Variants in SPSB4 observed in about 807,000 individuals in gnomAD.
The protein encoded by SPSB4 is SPRY domain-containing SOCS box protein 4.
A neutral mutation model predicts 20.9 loss-of-function variants in SPSB4; 21 were observed. The ratio of observed to expected loss-of-function variants is 1.01; its 90% CI spans 0.71 to 1.45. The LOEUF (loss-of-function observed/expected upper bound fraction) is 1.45. Among genes scored for constraint, SPSB4 ranks in the 40% most tolerant of loss-of-function variants. SPSB4 has a pLI of 0.00. For missense variants in SPSB4, 399 were observed against 399.2 expected, an observed-to-expected ratio of 1.00 and a Z score of 0.00; for synonymous variants, 207 against 183.8, an observed-to-expected ratio of 1.13 and a Z score of -1.02.
chr3:141,056,367 T>C (rs1937639501), intron 1 of SPSB4, among the ~76,000 whole-genome samples: 1 of 152,202 alleles, frequency 6.6e-6, no homozygotes, highest in African/African-American at 2.4e-5. Flanking sequence ...TACAGATTCC[T>C]GGGGCTGGAG....
At chr3:141,052,689 A>G (rs1171276789) in intron 1 of SPSB4, among the ~76,000 whole-genome samples, 1 of 152,164 alleles carries the variant, frequency 6.6e-6, no homozygotes, top group East Asian at 1.9e-4. Flanking sequence ...AGAGCGACTC[A>G]GGGACCAGTC....
At chr3:141,086,350 G>C (rs983320661) in intron 2 of SPSB4, among the ~76,000 whole-genome samples, 17 of 152,282 alleles carry the variant, frequency 1.1e-4, no homozygotes, top group African/African-American at 3.8e-4. Flanking sequence ...CAAACTGCCT[G>C]GGTTCCAGTC....
At chr3:141,059,730 T>A (rs889108230) in intron 1 of SPSB4, among the ~76,000 whole-genome samples, 7 of 152,158 alleles carry the variant, frequency 4.6e-5, no homozygotes, top group African/African-American at 1.7e-4. Flanking sequence ...CACAATCAGT[T>A]CATAGCCAGG....
At chr3:141,112,469 C>A (rs904601033) in intron 2 of SPSB4, among the ~76,000 whole-genome samples, 7 of 150,822 alleles carry the variant, frequency 4.6e-5, no homozygotes, top group Non-Finnish European at 7.4e-5. Flanking sequence ...AACGGTGAAA[C>A]CCCGTCTCTA....
rs535277492 is a variant in SPSB4 at position 141,137,531 on chromosome 3, G to C, written c.695-9611G>C. The stretch of plus-strand genomic sequence containing the variant: ...CCCATCAATACCTAATTTATTGAGA[G>C]TTTTTAGCATGAATGGTTGTTGAAT... On this transcript the variant is annotated intron_variant, in intron 2 of 2. Transcript: ENST00000310546. Among the ~76,000 whole-genome samples, 4 of 152,304 alleles carry C rather than the reference G, an allele frequency of 2.6e-5. No individual in the cohort carries two copies. In the East Asian group the frequency reaches 7.7e-4, roughly 29 times the overall value.
chr3:141,147,296 C>G lies in SPSB4; in HGVS notation c.*27C>G. ...CCAAGCCTGATGGGCAGCACAGACACAGACACACACCGCAGGGCCCGACCC... is the reference window on the plus strand; with the variant it reads ...CCAAGCCTGATGGGCAGCACAGACAGAGACACACACCGCAGGGCCCGACCC... On this transcript the variant is annotated 3_prime_UTR_variant, in exon 3 of 3. Transcript: ENST00000310546. 6.2e-7 allele frequency: 1 copy of G among 1,613,590 alleles called. No individual in the cohort carries two copies. The highest frequency in any genetic ancestry group is 8.5e-7 in the Non-Finnish European group (1 of 1,179,628).
intron 2 of SPSB4, among the ~76,000 whole-genome samples, chr3:141,114,017 A>G (rs576154501): frequency 6.6e-6 from 1 of 152,296 alleles, no homozygotes; most frequent in East Asian, 1.9e-4. Flanking sequence ...GGGCTCAGAA[A>G]TTTGAGGTTA....
At chr3:141,105,362 ATTTC>A (rs1168259455) in intron 2 of SPSB4, among the ~76,000 whole-genome samples, 2 of 152,016 alleles carry the variant, frequency 1.3e-5, no homozygotes, top group Non-Finnish European at 2.9e-5. Context: ...ACAAAGCCCC[ATTTC>A]TTACTGCCCA....
chr3:141,074,241 C>T (rs1424915547), intron 2 of SPSB4, among the ~76,000 whole-genome samples: 1 of 152,056 alleles, frequency 6.6e-6, no homozygotes, highest in Non-Finnish European at 1.5e-5. Flanking sequence ...CCTTCATTTT[C>T]TCATCTGAAA....
intron 2 of SPSB4, among the ~76,000 whole-genome samples, chr3:141,142,744 G>A (rs545217047): frequency 6.7e-6 from 1 of 148,330 alleles, no homozygotes; most frequent in Non-Finnish European, 1.5e-5. Flanking sequence ...ATATATTTAG[G>A]ATTGTGATAT....
intron 2 of SPSB4, among the ~76,000 whole-genome samples, chr3:141,097,054 C>T (rs1405117717): frequency 3.9e-5 from 6 of 152,182 alleles, no homozygotes; most frequent in Non-Finnish European, 5.9e-5. Flanking sequence ...CTGAAATACC[C>T]GTTCTTTCCA....
At chr3:141,057,660 G>A (rs114712187) in intron 1 of SPSB4, among the ~76,000 whole-genome samples, 170 of 152,282 alleles carry the variant, frequency 1.1e-3, no homozygotes, top group African/African-American at 4.0e-3. Flanking sequence ...AAGAGCTGTG[G>A]TGGGCACAAG....
chr3:141,071,754 TTGGGCCTAAC>T lies in SPSB4; in HGVS notation c.694+4960_694+4969del, dbSNP rs1367262275. Among the ~76,000 whole-genome samples the T allele has an allele frequency of 4.6e-5, 7 of 152,348 alleles. No individual in the cohort carries two copies. In the East Asian group the frequency reaches 7.7e-4, roughly 17 times the overall value. On this transcript the variant is annotated intron_variant, in intron 2 of 2. Coordinates refer to ENST00000310546, the MANE Select transcript of SPSB4 (RefSeq NM_080862.3). ...GGTGGAGCGTGGAAATACAGGTATC[TTGGGCCTAAC>T]TGGCTGAGAGGGCTTTCCCCCTGCA...
chr3:141,136,118 C>T (rs1402777049), intron 2 of SPSB4, among the ~76,000 whole-genome samples: 10 of 152,168 alleles, frequency 6.6e-5, no homozygotes, highest in Non-Finnish European at 4.4e-5. Flanking sequence ...TTTTCATGTG[C>T]TTTTTGGCTG....
At chr3:141,075,892 C>CAAAAAAAAAAAAAAAAAAAA (rs532646509) in intron 2 of SPSB4, among the ~76,000 whole-genome samples, 1 of 68,836 alleles carries the variant, frequency 1.5e-5, no homozygotes, top group Non-Finnish European at 3.7e-5. Flanking sequence ...ACTAAAAATA[C>CAAAAAAAAAAAAAAAAAAAA]AAAAAAAAAA....
At chr3:141,075,837 A>G (rs1938094606) in intron 2 of SPSB4, among the ~76,000 whole-genome samples, 1 of 148,286 alleles carries the variant, frequency 6.7e-6, no homozygotes, top group African/African-American at 2.5e-5. Flanking sequence ...ACTTGAGGTC[A>G]GGAGTTCGAG....
Position 141,065,988 on chromosome 3 carries a change from G to A in SPSB4, c.-117G>A, listed in dbSNP as rs1937858184. The A allele has an allele frequency of 5.4e-6, 5 of 933,048 alleles. No homozygotes were observed. In the Admixed American group the frequency reaches 1.1e-4, roughly 20 times the overall value. 57.8% of individuals were successfully genotyped at this position (933,048 alleles called of 1,614,324 possible). On this transcript the variant is annotated 5_prime_UTR_variant, in exon 2 of 3. Transcript: ENST00000310546. ...CCTGCCGCAGCCCGGTAGAGGCTGT[G>A]GAGGTCTACCGTCCGGAAGCCTGGT...
chr3:141,074,888 T>C (rs1273845288), intron 2 of SPSB4, among the ~76,000 whole-genome samples: 1 of 152,224 alleles, frequency 6.6e-6, no homozygotes, highest in Non-Finnish European at 1.5e-5. Flanking sequence ...TCTCACCTTT[T>C]CAGGCCCTGG....
In SPSB4 at chr3:141,074,986, A is replaced by C. The variant is rs74319262; in HGVS notation, c.694+8188A>C. On this transcript the variant is annotated intron_variant, in intron 2 of 2. Transcript: ENST00000310546. ...GCAAGACCCACCTTTTACAGATGGGAGCTGACTGGACCAGAGAGCTGGGAG... is the reference window on the plus strand; with the variant it reads ...GCAAGACCCACCTTTTACAGATGGGCGCTGACTGGACCAGAGAGCTGGGAG... Among the ~76,000 whole-genome samples, 377 of 152,316 alleles carry C rather than the reference A, an allele frequency of 2.5e-3. 1 individual carries two copies. The highest frequency in any genetic ancestry group is 8.7e-3 in the African/African-American group (361 of 41,570).
Sources: allele counts gnomAD v4.1 joint callset (sites outside exome capture counted in the v4.1 genomes callset), GRCh38; gene constraint gnomAD v4.1.1; transcripts MANE v1.5; gene names NCBI Gene and HGNC (gene_info 2026-07-23, HGNC 2026-07-21).